Variants in KMT5C observed in about 807,000 individuals in gnomAD.
KMT5C encodes the protein lysine methyltransferase 5C.
KMT5C carries 16 observed loss-of-function variants against 38.2 expected under a neutral mutation model. The observed-to-expected ratio is 0.42, with a 90% CI of 0.28 to 0.64. The LOEUF is 0.64. Ranked by LOEUF, KMT5C falls within the 30% of genes least tolerant of loss-of-function variation. The pLI is 0.23. For missense variants in KMT5C, 598 were observed against 665.1 expected (o/e 0.90, Z 1.11); for synonymous variants, 291 against 279.0 (o/e 1.04, Z -0.43).
chr19:55,344,699 G>A (rs1340348956), intron 6 of KMT5C: 1 of 521,446 alleles, frequency 1.9e-6, no homozygotes. Context: ...AGAGCCCCAG[G>A]GGCCAGGACT....
chr19:55,347,778 C>T lies in KMT5C; in HGVS notation c.*329C>T, dbSNP rs980360895. ...GGAGCAAAGCCATAAGGGGCAGGGG[C>T]CACCCCACGGCATCTCCCCAGAAGT... On this transcript the variant is annotated 3_prime_UTR_variant, in exon 9 of 9. Transcript: ENST00000255613. The surrounding 1 kb of genome is among the most constrained non-coding windows in gnomAD (Gnocchi z 4.6). 3 of 345,436 alleles carry T rather than the reference C, an allele frequency of 8.7e-6. No homozygotes were observed. In the Admixed American group the frequency reaches 1.4e-4, roughly 16 times the overall value. 21.4% of individuals were successfully genotyped at this position (345,436 alleles called of 1,614,324 possible). A position where few individuals can be genotyped will look rare whatever the true frequency, so the allele number is the denominator to read the frequency against.
chr19:55,344,316 C>T (rs376845725), intron 6 of KMT5C: 56 of 276,570 alleles, frequency 2.0e-4, no homozygotes, highest in East Asian at 1.3e-3. Context: ...GAGCCGAGAT[C>T]GCGCCACTGC....
intron 1 of KMT5C, among the ~76,000 whole-genome samples, chr19:55,341,212 C>T (rs902522904): frequency 6.6e-6 from 1 of 152,176 alleles, no homozygotes; most frequent in Admixed American, 6.5e-5. Context: ...CCCCTCCCCA[C>T]CCCCGCTTTT....
intron 6 of KMT5C, chr19:55,344,361 CAA>C (rs909444379): frequency 0.043 from 6,744 of 157,646 alleles, no homozygotes; most frequent in Middle Eastern, 0.078. Context: ...GACTCTGTCT[CAA>C]AAAAAAAAAA....
chr19:55,340,408 T>G (rs919590095), intron 1 of KMT5C, among the ~76,000 whole-genome samples: 1 of 151,152 alleles, frequency 6.6e-6, no homozygotes, highest in Non-Finnish European at 1.5e-5. Context: ...CCTCCAGGCC[T>G]CCTTCTGGAC....
At position 55,342,371 on chromosome 19, in the gene KMT5C, C is replaced by T; in HGVS notation, c.267C>T (p.Leu89=). Residue 89 remains leucine, a synonymous_variant, in exon 3 of 9, where the codon CTC becomes CTT. Transcript: ENST00000255613. The part of the protein sequence containing the change: ...QSRGPRQEAA[L]KTHVYRYLRA... ...GGGGCCCGCGGCAGGAGGCTGCCCT[C>T]AAGACCCACGTGAGGGCGCCCTCCC... 1 of 1,524,376 alleles carries T rather than the reference C, an allele frequency of 6.6e-7. No individual in the cohort carries two copies. Among genetic ancestry groups the T allele is most frequent in the Non-Finnish European group, 8.8e-7 (1 of 1,136,694 alleles). 94.4% of individuals were successfully genotyped at this position (1,524,376 alleles called of 1,614,324 possible).
At chr19:55,342,445 G>T (rs564384915) in intron 3 of KMT5C, 65 bp downstream of exon 3, 2 of 1,293,138 alleles carry the variant, frequency 1.5e-6, no homozygotes, top group Non-Finnish European at 1.0e-6. Flanking sequence ...GCCTGGTCCC[G>T]CCTGGCAGAC....
At chr19:55,342,095 C>T in intron 2 of KMT5C, 49 bp downstream of exon 2, 1 of 1,559,250 alleles carries the variant, frequency 6.4e-7, no homozygotes, top group Non-Finnish European at 8.8e-7. Flanking sequence ...AGGACCCCTC[C>T]CCTTGCACCG....
rs892577452 is a variant in KMT5C at position 55,346,967 on chromosome 19, C to G, written c.907C>G (p.Pro303Ala). The G allele has an allele frequency of 2.0e-6, 2 of 1,007,224 alleles. No homozygotes were observed. Among genetic ancestry groups the G allele is most frequent in the African/African-American group, 3.2e-5 (2 of 63,214 alleles). The allele number at this position is 1,007,224 out of a possible 1,614,324, so 62.4% of individuals were successfully genotyped here. The part of the protein sequence containing the change: ...RRDPFCAACQ[P>A]LRLPACSARP... Reference sequence around the variant, plus strand: ...CTGGGCCTTCACAGCCGCCTGCCAGCCCCTGCGCCTGCCAGCCTGCAGCGC... The same window carrying G: ...CTGGGCCTTCACAGCCGCCTGCCAGGCCCTGCGCCTGCCAGCCTGCAGCGC... The change falls in exon 9 of 9, where the codon CCC (proline) becomes GCC (alanine). Residue 303 changes from proline to alanine, a missense_variant. Physicochemically the swap from Pro to Ala is conservative, Grantham distance 27 (BLOSUM62 -1). Coordinates refer to ENST00000255613, the MANE Select transcript of KMT5C (RefSeq NM_032701.4).
chr19:55,345,882 G>T (rs2089611000), intron 6 of KMT5C, among the ~76,000 whole-genome samples: 1 of 152,190 alleles, frequency 6.6e-6, no homozygotes, highest in African/African-American at 2.4e-5. Context: ...ATGGGCTTGG[G>T]TGTGGCAGAG....
chr19:55,346,205 GC>G lies in KMT5C; in HGVS notation c.571-5del. ...TGGGCCAGGGCGCTGAGTGGGCTTG[GC>G]CCTCAGTTTGTGCCTGCAGATGGGA... On this transcript the variant is annotated splice_region_variant and splice_polypyrimidine_tract_variant and intron_variant, in intron 6 of 8. Coordinates refer to ENST00000255613, the MANE Select transcript of KMT5C (RefSeq NM_032701.4). The G allele has an allele frequency of 6.2e-7, 1 of 1,613,576 alleles. No individual in the cohort carries two copies. Among genetic ancestry groups the G allele is most frequent in the Non-Finnish European group, 8.5e-7 (1 of 1,179,886 alleles).
Position 55,341,633 on chromosome 19 carries a change from G to A in KMT5C, c.-143-161G>A, listed in dbSNP as rs553784888. 1.4e-5 allele frequency: 6 copies of A among 430,164 alleles called. No individual in the cohort carries two copies. The South Asian group carries it at 1.5e-4, about 11-fold the overall frequency. The allele number at this position is 430,164 out of a possible 1,614,324, so 26.6% of individuals were successfully genotyped here. ...GCATGGGTGTGCATGTGGGGGTTGT[G>A]TGTTTAGGGGGGATCTGTGTCTGCG... On this transcript the variant is annotated intron_variant, in intron 1 of 8. Transcript: ENST00000255613.
In KMT5C at chr19:55,347,240, C is replaced by T. The variant is rs1036367669; in HGVS notation, c.1180C>T (p.Arg394Trp). 37 of 1,544,464 alleles carry T rather than the reference C, an allele frequency of 2.4e-5. No homozygotes were observed. Among genetic ancestry groups the T allele is most frequent in the Non-Finnish European group, 3.0e-5 (35 of 1,147,878 alleles). Residue 394 changes from arginine (R) to tryptophan (W), a missense_variant, in exon 9 of 9, where the codon CGG becomes TGG. By Grantham distance (101) the Arg-to-Trp change is moderately radical (BLOSUM62 -3). Coordinates refer to ENST00000255613, the MANE Select transcript of KMT5C (RefSeq NM_032701.4). This position sits in a 1 kb window ranked among gnomAD's most constrained non-coding sequence, Gnocchi z 4.6. ...CCCTCAGCAGGACTGGCACTGGGCCCGGCGCTATGGGCTGCCTTACGTGGT... is the reference window on the plus strand; with the variant it reads ...CCCTCAGCAGGACTGGCACTGGGCCTGGCGCTATGGGCTGCCTTACGTGGT... ...WAPQQDWHWA[R>W]RYGLPYVVRV...
Position 55,347,236 on chromosome 19 carries a change from G to T in KMT5C, c.1176G>T (p.Trp392Cys). Residue 392 changes from tryptophan (W) to cysteine (C), a missense_variant, in exon 9 of 9, where the codon TGG becomes TGT. This residue lies in a region of KMT5C where 326 missense variants were observed against 298.1 expected (regional missense o/e 1.09). Transcript: ENST00000255613. The surrounding 1 kb of genome is among the most constrained non-coding windows in gnomAD (Gnocchi z 4.6). ...ARWAPQQDWH[W>C]ARRYGLPYVV... ...GGGCCCCTCAGCAGGACTGGCACTG[G>T]GCCCGGCGCTATGGGCTGCCTTACG... is the stretch of plus-strand genomic sequence containing the variant. 1 of 1,543,814 alleles carries T rather than the reference G, an allele frequency of 6.5e-7. No individual in the cohort carries two copies.
intron 1 of KMT5C, among the ~76,000 whole-genome samples, chr19:55,341,297 C>G (rs1312862341): frequency 3.3e-5 from 5 of 152,132 alleles, no homozygotes; most frequent in Admixed American, 2.6e-4. Context: ...CCCTCCCTCC[C>G]GTCACCCGCC....
rs767295007 is a variant in KMT5C at position 55,347,067 on chromosome 19, G to A, written c.1007G>A (p.Arg336Gln). The A allele has an allele frequency of 8.5e-5, 135 of 1,579,560 alleles. No homozygotes were observed. In the Middle Eastern group the frequency reaches 8.8e-4, roughly 10 times the overall value. ...PQPRVRPRKR[R>Q]RPRPRRAPVL... ...CCCCGAGTGCGGCCCCGGAAGCGCC[G>A]ACGCCCCCGGCCCCGGAGGGCCCCA... The change falls in exon 9 of 9, where the codon CGA becomes CAA. Residue 336 changes from arginine to glutamine, a missense_variant. By Grantham distance (43) the Arg-to-Gln change is conservative. Transcript: ENST00000255613. The surrounding 1 kb of genome is among the most constrained non-coding windows in gnomAD (Gnocchi z 4.6).
In KMT5C at chr19:55,342,344, C is replaced by G. The variant is rs756447185; in HGVS notation, c.240C>G (p.Ser80Arg). The stretch of plus-strand genomic sequence containing the variant: ...GCTGGACGGCCCGCTACTTCCAGAG[C>G]CGGGGCCCGCGGCAGGAGGCTGCCC... ...LGGWTARYFQ[S>R]RGPRQEAALK... is the part of the protein sequence containing the mutation. The change falls in exon 3 of 9, where the codon AGC becomes AGG. Residue 80 changes from serine to arginine, a missense_variant. Ser to Arg is a moderately radical substitution (Grantham distance 110, BLOSUM62 -1). Around this residue, in one of 3 missense-constraint regions of KMT5C, gnomAD observed 167 missense variants for 187.8 expected, o/e 0.89. Transcript: ENST00000255613. 6 of 1,549,580 alleles carry G rather than the reference C, an allele frequency of 3.9e-6. No homozygotes were observed. In the African/African-American group the frequency reaches 8.2e-5, roughly 21 times the overall value.
chr19:55,344,993 G>A (rs1020380532), intron 6 of KMT5C: 3 of 458,904 alleles, frequency 6.5e-6, no homozygotes, highest in East Asian at 6.9e-5. Context: ...CAAGTGTGCC[G>A]GAGGGTTTTG....
Position 55,346,603 on chromosome 19 carries a change from G to C in KMT5C, c.811G>C (p.Gly271Arg). ...LRETKRRLQQ[G>R]LDSGSRQGLL... Reference sequence around the variant, plus strand: ...TGAGACCAAGCGGCGGCTGCAGCAAGGCCTGGACAGTGGCAGCCGACAGGG... The same window carrying C: ...TGAGACCAAGCGGCGGCTGCAGCAACGCCTGGACAGTGGCAGCCGACAGGG... The change falls in exon 8 of 9, where the codon GGC (glycine) becomes CGC (arginine). Residue 271 changes from glycine (G) to arginine (R), a missense_variant. By Grantham distance (125) the Gly-to-Arg change is moderately radical. Around this residue, in one of 3 missense-constraint regions of KMT5C, gnomAD observed 326 missense variants for 298.1 expected, o/e 1.09. Coordinates refer to ENST00000255613, the MANE Select transcript of KMT5C (RefSeq NM_032701.4). The C allele has an allele frequency of 6.3e-7, 1 of 1,576,374 alleles. No homozygotes were observed. The highest frequency in any genetic ancestry group is 8.6e-7 in the Non-Finnish European group (1 of 1,161,776).
Sources: gnomAD v4.1 joint callset for allele counts (sites outside exome capture counted in the v4.1 genomes callset) on GRCh38, gnomAD v4.1.1 for gene constraint, gnomAD v4.1.1 regional missense constraint, Gnocchi (gnomAD v3.1) non-coding constraint, MANE v1.5 for transcripts, NCBI Gene and HGNC (gene_info 2026-07-23, HGNC 2026-07-21) for gene names.